The following VIPR2 variants were observed in gnomAD, a reference collection of about 807,000 sequenced individuals.
VIPR2 encodes the protein vasoactive intestinal polypeptide receptor 2.
In VIPR2, 48 loss-of-function variants were observed where a neutral mutation model predicts 58.0. The observed-to-expected ratio is 0.83, with a 90% CI of 0.66 to 1.05. The LOEUF (loss-of-function observed/expected upper bound fraction) is 1.05. Ranked by LOEUF, VIPR2 falls within the 50% of genes least tolerant of loss-of-function variation. The pLI is 0.00. For missense variants in VIPR2, 534 were observed against 558.0 expected (o/e 0.96, Z 0.43); for synonymous variants, 243 against 235.2 (o/e 1.03, Z -0.30).
chr7:159,142,300 G>A, intron 2 of VIPR2, 146 bp downstream of exon 2: 1 of 610,272 alleles, frequency 1.6e-6, no homozygotes, highest in Non-Finnish European at 2.9e-6. Context: ...TTTACCAGTA[G>A]TTCATTAACA....
At position 159,096,800 on chromosome 7, in the gene VIPR2, C is replaced by T. The variant is rs1394063002; in HGVS notation, c.357+6957G>A. 2.1e-6 allele frequency: 3 copies of T among 1,434,216 alleles called. No individual in the cohort carries two copies. Among genetic ancestry groups the T allele is most frequent in the East Asian group, 2.5e-5 (1 of 39,438 alleles). 88.8% of individuals were successfully genotyped at this position (1,434,216 alleles called of 1,614,324 possible). On this transcript the variant is annotated intron_variant, in intron 4 of 12. Transcript: ENST00000262178. The surrounding 1 kb of genome is among the most constrained non-coding windows in gnomAD (Gnocchi z 5.5). Reference sequence around the variant, plus strand: ...CCTGAGGTCAGTCTCGTGGCCCCCGCAGCAGCCACAGGCCCAGCTCTTGTC... The same window carrying T: ...CCTGAGGTCAGTCTCGTGGCCCCCGTAGCAGCCACAGGCCCAGCTCTTGTC...
At chr7:159,091,609 A>C (rs1229933088) in intron 4 of VIPR2, among the ~76,000 whole-genome samples, 1 of 152,176 alleles carries the variant, frequency 6.6e-6, no homozygotes, top group Non-Finnish European at 1.5e-5. Flanking sequence ...CACTCCTCAC[A>C]CAGTCCGGTT....
At chr7:159,092,232 T>C (rs1857546011) in intron 4 of VIPR2, among the ~76,000 whole-genome samples, 1 of 152,140 alleles carries the variant, frequency 6.6e-6, no homozygotes, top group Non-Finnish European at 1.5e-5. Context: ...GACACAGCAA[T>C]GGACGGCTGG....
intron 2 of VIPR2, among the ~76,000 whole-genome samples, chr7:159,110,843 C>T (rs954367256): frequency 1.6e-4 from 25 of 152,096 alleles, no homozygotes; most frequent in African/African-American, 6.0e-4. Flanking sequence ...TTCAAGAATA[C>T]AGAAATGTCT....
chr7:159,059,322 G>A (rs956721436), intron 4 of VIPR2: 15 of 471,252 alleles, frequency 3.2e-5, no homozygotes, highest in African/African-American at 1.6e-4. Flanking sequence ...CCCAAAGGCC[G>A]CTTCCTGGTC....
intron 6 of VIPR2, among the ~76,000 whole-genome samples, chr7:159,039,598 T>TGGGTGGGCCTTGCCACAG (rs147666851): frequency 6.6e-6 from 1 of 151,972 alleles, no homozygotes; most frequent in African/African-American, 2.4e-5. Context: ...AGGGTGTTAG[T>TGGGTGGGCCTTGCCACAG]GGGTGGCGCT....
At chr7:159,111,830 G>A (rs989593562) in intron 2 of VIPR2, among the ~76,000 whole-genome samples, 129 of 152,108 alleles carry the variant, frequency 8.5e-4, no homozygotes, top group African/African-American at 2.8e-3. Context: ...GCAACATAGC[G>A]AGACCCCATC....
intron 5 of VIPR2, among the ~76,000 whole-genome samples, chr7:159,048,332 C>T (rs1049607599): frequency 1.3e-5 from 2 of 152,172 alleles, no homozygotes; most frequent in African/African-American, 4.8e-5. Flanking sequence ...AAATGGTAAC[C>T]TAGTTTTGTT....
At chr7:159,065,817 C>T (rs1357820055) in intron 4 of VIPR2, among the ~76,000 whole-genome samples, 1 of 152,194 alleles carries the variant, frequency 6.6e-6, no homozygotes, top group Non-Finnish European at 1.5e-5. Flanking sequence ...CGTGTAGTTA[C>T]GTTCTCGACC....
chr7:159,144,502 C>T (rs1444529645), intron 1 of VIPR2: 8 of 1,532,048 alleles, frequency 5.2e-6, no homozygotes, highest in African/African-American at 4.2e-5. Flanking sequence ...CGCAGGCAGC[C>T]TCCCAACCCG....
At chr7:159,091,885 T>C (rs1035953848) in intron 4 of VIPR2, among the ~76,000 whole-genome samples, 14 of 152,168 alleles carry the variant, frequency 9.2e-5, no homozygotes, top group Admixed American at 2.0e-4. Context: ...CCCAACACTT[T>C]GGGAGGCTGA....
rs1276801026 is a variant in VIPR2, at chr7:159,030,321, C to A, written c.*295G>T. 2.7e-5 allele frequency: 7 copies of A among 256,330 alleles called. No individual in the cohort carries two copies. In the Admixed American group the frequency reaches 5.6e-4, roughly 21 times the overall value. 15.9% of individuals were successfully genotyped at this position (256,330 alleles called of 1,614,324 possible). ...TCAGGCCACTGCAGTCCAGCCTGGGCGACAGAGCGAGACTCCGTCTCAAAA... is the reference window on the plus strand; with the variant it reads ...TCAGGCCACTGCAGTCCAGCCTGGGAGACAGAGCGAGACTCCGTCTCAAAA... On this transcript the variant is annotated 3_prime_UTR_variant, in exon 13 of 13. Coordinates refer to ENST00000262178, the MANE Select transcript of VIPR2 (RefSeq NM_003382.5).
At chr7:159,073,896 T>A (rs373048267) in intron 4 of VIPR2, among the ~76,000 whole-genome samples, 1 of 152,036 alleles carries the variant, frequency 6.6e-6, no homozygotes, top group African/African-American at 2.4e-5. Context: ...AGGAAGAAAA[T>A]GCACACAGGC....
In VIPR2 at chr7:159,031,928, G is replaced by A. The variant is rs1306721025; in HGVS notation, c.1101+10C>T. ...CGCTCGGGGGAGGGCGGCCGCCTCC[G>A]CACACCTACCTGGAACGACCCGAGG... On this transcript the variant is annotated intron_variant, in intron 11 of 12. Coordinates refer to ENST00000262178, the MANE Select transcript of VIPR2 (RefSeq NM_003382.5). The surrounding 1 kb of genome is among the most constrained non-coding windows in gnomAD (Gnocchi z 4.0). The A allele has an allele frequency of 2.5e-6, 4 of 1,614,098 alleles. 1 individual carries two copies. The highest frequency in any genetic ancestry group is 1.3e-5 in the African/African-American group (1 of 75,048).
At position 159,128,687 on chromosome 7, in the gene VIPR2, A is replaced by T. The variant is rs1237747166; in HGVS notation, c.151+13759T>A. Among the ~76,000 whole-genome samples, 5 of 152,194 alleles carry T rather than the reference A, an allele frequency of 3.3e-5. No homozygotes were observed. Among genetic ancestry groups the T allele is most frequent in the African/African-American group, 1.2e-4 (5 of 41,450 alleles). ...ATCTCCCACCTGGAGGAACTCGATCAATGAGTTTCCTCATTTCCAGGAATG... is the reference window on the plus strand; with the variant it reads ...ATCTCCCACCTGGAGGAACTCGATCTATGAGTTTCCTCATTTCCAGGAATG... On this transcript the variant is annotated intron_variant, in intron 2 of 12. Coordinates refer to ENST00000262178, the MANE Select transcript of VIPR2 (RefSeq NM_003382.5). This position sits in a 1 kb window ranked among gnomAD's most constrained non-coding sequence, Gnocchi z 4.1.
At chr7:159,058,909 C>G (rs1855477678) in intron 4 of VIPR2, among the ~76,000 whole-genome samples, 1 of 152,224 alleles carries the variant, frequency 6.6e-6, no homozygotes, top group Non-Finnish European at 1.5e-5. Flanking sequence ...AGAGCTCAGT[C>G]TGTCTCCGAG....
chr7:159,144,044 A>G (rs1797585734), intron 1 of VIPR2, among the ~76,000 whole-genome samples: 1 of 152,200 alleles, frequency 6.6e-6, no homozygotes, highest in African/African-American at 2.4e-5. Context: ...CGCGCACGAA[A>G]ACCGCGCGCA....
In VIPR2 at chr7:159,097,050, C is replaced by G; in HGVS notation, c.357+6707G>C. 1 of 1,548,110 alleles carries G rather than the reference C, an allele frequency of 6.5e-7. No homozygotes were observed. Among genetic ancestry groups the G allele is most frequent in the Non-Finnish European group, 8.7e-7 (1 of 1,145,382 alleles). Reference sequence around the variant, plus strand: ...GGCAGGCCGCTCTGGGGGTCTCTGGCAGGCTCCTCCTGGCACCCTGGGAGG... The same window carrying G: ...GGCAGGCCGCTCTGGGGGTCTCTGGGAGGCTCCTCCTGGCACCCTGGGAGG... On this transcript the variant is annotated intron_variant, in intron 4 of 12. Coordinates refer to ENST00000262178, the MANE Select transcript of VIPR2 (RefSeq NM_003382.5). The surrounding 1 kb of genome is among the most constrained non-coding windows in gnomAD (Gnocchi z 5.3).
intron 2 of VIPR2, among the ~76,000 whole-genome samples, chr7:159,132,955 CAGA>C (rs1797026584): frequency 3.8e-5 from 1 of 26,406 alleles, no homozygotes; most frequent in Admixed American, 4.0e-4. Flanking sequence ...AGATTGATTT[CAGA>C]CAGAATGATT....
Sources: allele counts gnomAD v4.1 joint callset (sites outside exome capture counted in the v4.1 genomes callset), GRCh38; gene constraint gnomAD v4.1.1; non-coding constraint Gnocchi (gnomAD v3.1); transcripts MANE v1.5; gene names NCBI Gene and HGNC (gene_info 2026-07-23, HGNC 2026-07-21).